The following ROPN1 variants were observed in gnomAD, a reference collection of about 807,000 sequenced individuals.
The protein encoded by ROPN1 is ropporin-1A.
A neutral mutation model predicts 20.5 loss-of-function variants in ROPN1; 14 were observed. That is an observed-to-expected ratio of 0.68 (90% CI 0.45 to 1.07). The LOEUF is 1.07. Among genes scored for constraint, ROPN1 ranks in the 50% least tolerant of loss-of-function variants. The probability of loss-of-function intolerance (pLI) is 0.00; values close to 1 mark genes in which losing one functional copy is unlikely to be tolerated. For missense variants in ROPN1, 169 were observed against 242.8 expected, an observed-to-expected ratio of 0.70 and a Z score of 2.02; for synonymous variants, 76 against 95.7, an observed-to-expected ratio of 0.79 and a Z score of 1.20.
At chr3:123,982,171 A>G (rs2038163682) in intron 1 of ROPN1, among the ~76,000 whole-genome samples, 1 of 152,234 alleles carries the variant, frequency 6.6e-6, no homozygotes, top group South Asian at 2.1e-4. Context: ...TGCCAGACAA[A>G]AGATACTTTA....
chr3:123,987,312 A>C (rs949247526), intron 1 of ROPN1, among the ~76,000 whole-genome samples: 2 of 152,170 alleles, frequency 1.3e-5, no homozygotes, highest in Non-Finnish European at 2.9e-5. Context: ...GCTTCAGTGT[A>C]TGGTAGCCTG....
At position 123,986,598 on chromosome 3, in the gene ROPN1, G is replaced by T. The variant is rs140925507; in HGVS notation, c.-13+5324C>A. On this transcript the variant is annotated intron_variant, in intron 1 of 5. Transcript: ENST00000405845. Reference sequence around the variant, plus strand: ...CACGAGGGAAGGTGTTGGCAGGGGTGGTGCTTGCTGGTTCTGTACCCTCCA... The same window carrying T: ...CACGAGGGAAGGTGTTGGCAGGGGTTGTGCTTGCTGGTTCTGTACCCTCCA... Among the ~76,000 whole-genome samples the T allele has an allele frequency of 5.7e-3, 874 of 152,314 alleles. 6 individuals carry two copies. The highest frequency in any genetic ancestry group is 0.02 in the African/African-American group (816 of 41,558).
chr3:123,969,335 T>G (rs548580035), intron 5 of ROPN1, 114 bp from the exon 6 acceptor site: 8 of 964,588 alleles, frequency 8.3e-6, no homozygotes, highest in African/African-American at 8.3e-5. Flanking sequence ...TTTTTCTCTT[T>G]TTTTGTTTTG....
intron 1 of ROPN1, among the ~76,000 whole-genome samples, chr3:123,987,189 G>A (rs2038280336): frequency 6.6e-6 from 1 of 152,216 alleles, no homozygotes; most frequent in South Asian, 2.1e-4. Flanking sequence ...AAGTTTCTGT[G>A]GTGACTGAGG....
chr3:123,973,881 A>G (rs2148991624), intron 4 of ROPN1, among the ~76,000 whole-genome samples: 1 of 152,314 alleles, frequency 6.6e-6, no homozygotes, highest in East Asian at 1.9e-4. Flanking sequence ...TAGCGACCAG[A>G]CAGACAGGCA....
At chr3:123,989,679 T>A (rs1293153425) in intron 1 of ROPN1, among the ~76,000 whole-genome samples, 1 of 152,178 alleles carries the variant, frequency 6.6e-6, no homozygotes, top group African/African-American at 2.4e-5. Context: ...CTATCAGTGC[T>A]CCATGGCTAG....
At chr3:123,973,765 G>T (rs559594040) in intron 4 of ROPN1, among the ~76,000 whole-genome samples, 14 of 152,148 alleles carry the variant, frequency 9.2e-5, no homozygotes, top group Non-Finnish European at 1.8e-4. Flanking sequence ...GAGAATCAAG[G>T]AGGCCCTCGA....
chr3:123,980,210 G>A, intron 2 of ROPN1, 156 bp downstream of exon 2: 1 of 690,554 alleles, frequency 1.4e-6, no homozygotes, highest in South Asian at 1.8e-5. Flanking sequence ...ATTTATGTGT[G>A]GATTTTAAAG....
At chr3:123,985,582 T>C (rs1220369226) in intron 1 of ROPN1, among the ~76,000 whole-genome samples, 1 of 152,198 alleles carries the variant, frequency 6.6e-6, no homozygotes, top group African/African-American at 2.4e-5. Context: ...TAAACAAATA[T>C]CCAAAATCTG....
intron 1 of ROPN1, among the ~76,000 whole-genome samples, chr3:123,986,567 T>C (rs2038262007): frequency 6.6e-6 from 1 of 152,098 alleles, no homozygotes; most frequent in East Asian, 1.9e-4. Context: ...CTCTGCACAG[T>C]GTTAGCACGA....
chr3:123,979,455 TG>T (rs71625746), intron 2 of ROPN1: 47,571 of 353,762 alleles, frequency 0.13, 3,788 homozygotes, highest in Middle Eastern at 0.24. Context: ...AGCCTGAAAA[TG>T]GTCCGTGAGG....
chr3:123,978,055 T>C (rs2038060028), intron 2 of ROPN1, among the ~76,000 whole-genome samples: 1 of 152,100 alleles, frequency 6.6e-6, no homozygotes, highest in Non-Finnish European at 1.5e-5. Context: ...AGTATGAAAA[T>C]AATATAGAGG....
intron 2 of ROPN1, 73 bp from the exon 3 acceptor site, chr3:123,977,054 C>T (rs2038041412): frequency 2.1e-6 from 3 of 1,458,874 alleles, no homozygotes; most frequent in Non-Finnish European, 2.8e-6. Context: ...GCAATCCTTC[C>T]ACCTTCTTCT....
At chr3:123,969,335 T>C (rs548580035) in intron 5 of ROPN1, 114 bp from the exon 6 acceptor site, 8 of 964,470 alleles carry the variant, frequency 8.3e-6, no homozygotes, top group East Asian at 2.5e-5. Flanking sequence ...TTTTTCTCTT[T>C]TTTTGTTTTG....
intron 1 of ROPN1, among the ~76,000 whole-genome samples, chr3:123,988,020 C>T (rs545209413): frequency 6.6e-6 from 1 of 152,288 alleles, no homozygotes; most frequent in East Asian, 1.9e-4. Context: ...AACATGGTTC[C>T]CTGATTTGGG....
At chr3:123,978,599 C>T (rs573076577) in intron 2 of ROPN1, 3 of 153,734 alleles carry the variant, frequency 2.0e-5, no homozygotes, top group African/African-American at 4.8e-5. Flanking sequence ...TATGTCCTGC[C>T]GATGCCTGGT....
intron 4 of ROPN1, chr3:123,974,979 G>A (rs534656816): frequency 2.1e-5 from 5 of 236,662 alleles, no homozygotes; most frequent in South Asian, 6.2e-5. Context: ...CATAGTTTTC[G>A]ATAAGATTGT....
At chr3:123,983,593 C>T (rs926563387) in intron 1 of ROPN1, among the ~76,000 whole-genome samples, 9 of 152,148 alleles carry the variant, frequency 5.9e-5, no homozygotes, top group African/African-American at 2.2e-4. Flanking sequence ...TCTGCAAGCT[C>T]TTTTCATTTT....
At chr3:123,989,897 G>C (rs1469690959) in intron 1 of ROPN1, among the ~76,000 whole-genome samples, 1 of 152,134 alleles carries the variant, frequency 6.6e-6, no homozygotes, top group African/African-American at 2.4e-5. Context: ...CTATCTCAGG[G>C]GTAGTGGTTG....
Sources: allele counts gnomAD v4.1 joint callset (sites outside exome capture counted in the v4.1 genomes callset), GRCh38; gene constraint gnomAD v4.1.1; transcripts MANE v1.5; gene names NCBI Gene and HGNC (gene_info 2026-07-23, HGNC 2026-07-21).